Variants in TEAD1 observed in about 807,000 individuals in gnomAD.
TEAD1 encodes the protein TEA domain transcription factor 1, also known as transcriptional enhancer factor TEF-1.
In TEAD1, 9 loss-of-function variants were observed where a neutral mutation model predicts 54.9. The observed-to-expected ratio is 0.16, with a 90% CI of 0.10 to 0.29. TEAD1 has a LOEUF of 0.29. Among genes scored for constraint, TEAD1 ranks in the 10% least tolerant of loss-of-function variants. The pLI is 1.00. For missense variants in TEAD1, 387 were observed against 535.9 expected (o/e 0.72, Z 2.74); for synonymous variants, 200 against 187.8 (o/e 1.07, Z -0.53).
chr11:12,766,914 A>T (rs1419776156), intron 3 of TEAD1, among the ~76,000 whole-genome samples: 1 of 152,158 alleles, frequency 6.6e-6, no homozygotes, highest in Non-Finnish European at 1.5e-5. Context: ...CGTTGGATGC[A>T]CTGTCCTGCA....
At chr11:12,925,681 C>G (rs1948892351) in intron 11 of TEAD1, among the ~76,000 whole-genome samples, 1 of 152,188 alleles carries the variant, frequency 6.6e-6, no homozygotes, top group African/African-American at 2.4e-5. Context: ...TGCACCTTTG[C>G]TTGAGGCCTT....
intron 10 of TEAD1, among the ~76,000 whole-genome samples, chr11:12,918,772 C>G (rs913774834): frequency 2.0e-5 from 3 of 152,116 alleles, no homozygotes; most frequent in South Asian, 4.2e-4. Context: ...GTGGATAGAT[C>G]GTGGCATTTT....
chr11:12,762,775 G>C (rs76218196), intron 2 of TEAD1, among the ~76,000 whole-genome samples: 2 of 152,160 alleles, frequency 1.3e-5, no homozygotes, highest in African/African-American at 4.8e-5. Flanking sequence ...ATACACAGGT[G>C]GGGGAGGACA....
chr11:12,696,064 G>T (rs1435809638), intron 2 of TEAD1, among the ~76,000 whole-genome samples: 1 of 152,214 alleles, frequency 6.6e-6, no homozygotes, highest in African/African-American at 2.4e-5. Flanking sequence ...GAAGACAGTT[G>T]CTTGTTATTT....
intron 2 of TEAD1, among the ~76,000 whole-genome samples, chr11:12,688,176 C>G (rs762364575): frequency 8.5e-5 from 13 of 152,118 alleles, no homozygotes; most frequent in Non-Finnish European, 1.8e-4. Flanking sequence ...TCTTCCCACC[C>G]AGGTGACCAG....
chr11:12,799,507 T>C (rs1234187454), intron 3 of TEAD1, among the ~76,000 whole-genome samples: 1 of 152,236 alleles, frequency 6.6e-6, no homozygotes, highest in Admixed American at 6.5e-5. Context: ...TGAGTGTGTG[T>C]GTGTCAGCGT....
intron 5 of TEAD1, among the ~76,000 whole-genome samples, chr11:12,867,491 GCTGT>G (rs1354795389): frequency 1.3e-5 from 2 of 152,186 alleles, no homozygotes; most frequent in African/African-American, 4.8e-5. Context: ...AGAGAGTGAG[GCTGT>G]CTGTCACCTG....
At chr11:12,764,157 T>C (rs979198398) in intron 2 of TEAD1, 22 bp from the exon 3 acceptor site, 1 of 1,489,858 alleles carries the variant, frequency 6.7e-7, no homozygotes, top group Non-Finnish European at 9.1e-7. Flanking sequence ...ATCCTTATAC[T>C]GTTTTTGGTT....
chr11:12,722,135 CCT>C lies in TEAD1; in HGVS notation c.-54-42041_-54-42040del, dbSNP rs143668574. 2.2e-3 allele frequency among the ~76,000 whole-genome samples: 342 copies of C among 152,300 alleles called. 1 individual carries two copies. The highest frequency in any genetic ancestry group is 7.4e-3 in the African/African-American group (306 of 41,558). ...CACACCAGGCTGGAAGAATGTTTAA[CCT>C]CTTCAGTTTAAGGAGGAAACTATTT... On this transcript the variant is annotated intron_variant, in intron 2 of 12. Transcript: ENST00000527636.
intron 3 of TEAD1, among the ~76,000 whole-genome samples, chr11:12,827,227 T>G (rs1038630622): frequency 6.6e-6 from 1 of 152,194 alleles, no homozygotes; most frequent in Admixed American, 6.5e-5. Flanking sequence ...TATCCTGACT[T>G]TACTAGTCCA....
intron 2 of TEAD1, among the ~76,000 whole-genome samples, chr11:12,739,222 G>A (rs4536194): frequency 0.35 from 40,033 of 115,012 alleles, 5,559 homozygotes; most frequent in South Asian, 0.53. Flanking sequence ...CTATCTATCT[G>A]TCTATCTATC....
chr11:12,863,415 A>T (rs1947548886), intron 4 of TEAD1, among the ~76,000 whole-genome samples: 1 of 152,218 alleles, frequency 6.6e-6, no homozygotes, highest in African/African-American at 2.4e-5. Context: ...GGTGAAAACA[A>T]GTAACAGCAG....
intron 3 of TEAD1, among the ~76,000 whole-genome samples, chr11:12,817,529 G>A (rs1047952394): frequency 1.1e-4 from 17 of 152,008 alleles, no homozygotes; most frequent in Admixed American, 3.9e-4. Context: ...TGTGAGTGCC[G>A]ACCTCTTCAA....
At chr11:12,869,167 A>C (rs1030818636) in intron 5 of TEAD1, among the ~76,000 whole-genome samples, 1 of 152,192 alleles carries the variant, frequency 6.6e-6, no homozygotes, top group Non-Finnish European at 1.5e-5. Flanking sequence ...AGGGGCATAC[A>C]TGGGGTTCAT....
chr11:12,910,944 G>T (rs78060332), intron 10 of TEAD1, among the ~76,000 whole-genome samples: 3 of 151,794 alleles, frequency 2.0e-5, no homozygotes, highest in Non-Finnish European at 4.4e-5. Context: ...ATGGGGTTTC[G>T]CCATGTTGGC....
rs375369862 is a variant in TEAD1 at position 12,786,384 on chromosome 11, C to T, written c.202+21950C>T. On this transcript the variant is annotated intron_variant, in intron 3 of 12. Transcript: ENST00000527636. ...GGGTCTTCTGGCTGTGTCCTTGGAC[C>T]TCTGCCTCTCCCAGCTGACCAGAGT... Among the ~76,000 whole-genome samples the T allele has an allele frequency of 1.9e-3, 285 of 152,276 alleles. 1 individual carries two copies. The highest frequency in any genetic ancestry group is 6.4e-3 in the African/African-American group (267 of 41,540).
intron 9 of TEAD1, among the ~76,000 whole-genome samples, chr11:12,884,812 A>T (rs955801760): frequency 6.6e-6 from 1 of 152,192 alleles, no homozygotes; most frequent in African/African-American, 2.4e-5. Context: ...AGGAAGAGTG[A>T]TGGTGAGGGT....
At chr11:12,848,811 A>G (rs942178095) in intron 3 of TEAD1, 2 of 151,960 alleles carry the variant, frequency 1.3e-5, no homozygotes, top group African/African-American at 2.4e-5. Flanking sequence ...ATAGCTGCGT[A>G]TAGTGGCACA....
chr11:12,705,335 A>C (rs1409053451), intron 2 of TEAD1, among the ~76,000 whole-genome samples: 1 of 152,222 alleles, frequency 6.6e-6, no homozygotes, highest in Non-Finnish European at 1.5e-5. Context: ...GTAGCATGCA[A>C]GTTCTCACCT....
Sources: allele counts gnomAD v4.1 joint callset (sites outside exome capture counted in the v4.1 genomes callset), GRCh38; gene constraint gnomAD v4.1.1; transcripts MANE v1.5; gene names NCBI Gene and HGNC (gene_info 2026-07-23, HGNC 2026-07-21).